Variants in CDH3 observed in about 807,000 individuals in gnomAD.
CDH3 encodes cadherin-3.
In CDH3, 54 loss-of-function variants were observed where a neutral mutation model predicts 82.0. The ratio of observed to expected loss-of-function variants is 0.66; its 90% CI spans 0.53 to 0.83. The LOEUF is 0.83. Ranked by LOEUF, CDH3 falls within the 40% of genes least tolerant of loss-of-function variation. The pLI is 0.00. For missense variants in CDH3, 1,054 were observed against 1,084.6 expected, an observed-to-expected ratio of 0.97 and a Z score of 0.40; for synonymous variants, 446 against 437.9, an observed-to-expected ratio of 1.02 and a Z score of -0.23.
chr16:68,651,121 A>G (rs1960230037), intron 2 of CDH3: 23 of 445,882 alleles, frequency 5.2e-5, no homozygotes, highest in South Asian at 4.1e-4. Context: ...CCTGTTGGCC[A>G]CTGGGCCTTG....
Position 68,695,840 on chromosome 16 carries a change from G to C in CDH3, c.2197G>C (p.Asp733His). 6.2e-7 allele frequency: 1 copy of C among 1,614,104 alleles called. No homozygotes were observed. The highest frequency in any genetic ancestry group is 8.5e-7 in the Non-Finnish European group (1 of 1,179,998). The change falls in exon 15 of 16, where the codon GAC becomes CAC. Residue 733 changes from aspartate to histidine, a missense_variant. Coordinates refer to ENST00000264012, the MANE Select transcript of CDH3 (RefSeq NM_001793.6). ...EARPEVVLRN[D>H]VAPTIIPTPM... ...CAGGCCGGAGGTGGTTCTCCGCAAT[G>C]ACGTGGCACCAACCATCATCCCGAC...
At chr16:68,647,030 G>C (rs1230245728) in intron 2 of CDH3, among the ~76,000 whole-genome samples, 1 of 151,996 alleles carries the variant, frequency 6.6e-6, no homozygotes, top group Non-Finnish European at 1.5e-5. Flanking sequence ...TAACACCCAG[G>C]CTAGGCTAGG....
chr16:68,697,779 C>A (rs949159032), intron 15 of CDH3, among the ~76,000 whole-genome samples: 3 of 152,116 alleles, frequency 2.0e-5, no homozygotes, highest in Non-Finnish European at 4.4e-5. Context: ...TTCATCTGTT[C>A]CTTTAAAACT....
chr16:68,646,593 G>A (rs1204521835), intron 2 of CDH3, among the ~76,000 whole-genome samples: 1 of 152,066 alleles, frequency 6.6e-6, no homozygotes, highest in African/African-American at 2.4e-5. Context: ...AGACCCAGGC[G>A]GTTGGTTGCT....
intron 15 of CDH3, 64 bp downstream of exon 15, chr16:68,695,987 G>T: frequency 3.2e-6 from 5 of 1,560,876 alleles, no homozygotes; most frequent in Non-Finnish European, 4.4e-6. Context: ...CCACACAGGA[G>T]AACAAGCATG....
At chr16:68,679,694 C>CAAA (rs66540234) in intron 6 of CDH3, 105 bp from the exon 7 acceptor site, 14,541 of 352,726 alleles carry the variant, frequency 0.041, 297 homozygotes, top group African/African-American at 0.091. Flanking sequence ...GACTTCATCT[C>CAAA]AAAAAAAAAA....
chr16:68,692,313 A>C (rs1209868251), intron 13 of CDH3, among the ~76,000 whole-genome samples: 5 of 152,152 alleles, frequency 3.3e-5, no homozygotes, highest in Non-Finnish European at 5.9e-5. Context: ...CTGGGATTAC[A>C]GGTGTGAGCC....
intron 1 of CDH3, among the ~76,000 whole-genome samples, chr16:68,721,070 A>G (rs1962157901): frequency 6.6e-6 from 1 of 152,058 alleles, no homozygotes; most frequent in Non-Finnish European, 1.5e-5. Flanking sequence ...TGTCAAGGTC[A>G]ACATAGCCCA....
downstream of CDH3, among the ~76,000 whole-genome samples, chr16:68,728,725 A>G (rs952682154): frequency 2.0e-5 from 3 of 152,246 alleles, no homozygotes; most frequent in African/African-American, 4.8e-5. Context: ...GGGAACAGCC[A>G]TCATCCACAG....
chr16:68,651,276 C>T, intron 2 of CDH3: 1 of 544,338 alleles, frequency 1.8e-6, no homozygotes, highest in African/African-American at 1.9e-5. Flanking sequence ...AGATGTGCAG[C>T]TGGGTCCAGG....
chr16:68,692,415 G>A (rs958056587), intron 13 of CDH3, among the ~76,000 whole-genome samples: 12 of 152,312 alleles, frequency 7.9e-5, no homozygotes, highest in Admixed American at 4.6e-4. Context: ...ACCAGGCTTT[G>A]GGGATACAGT....
intron 2 of CDH3, among the ~76,000 whole-genome samples, chr16:68,661,749 C>T (rs1041472468): frequency 4.6e-5 from 7 of 152,182 alleles, no homozygotes; most frequent in African/African-American, 7.2e-5. Context: ...AATTCAATGG[C>T]GCGATCTCAG....
intron 2 of CDH3, among the ~76,000 whole-genome samples, chr16:68,652,104 A>C (rs1358554772): frequency 6.6e-6 from 1 of 152,140 alleles, no homozygotes. Flanking sequence ...AGTCAGTGAG[A>C]GGTCACTGGT....
Position 68,645,648 on chromosome 16 carries a change from C to T in CDH3, c.58C>T (p.Gln20Ter). 6.5e-7 allele frequency: 1 copy of T among 1,542,482 alleles called. No individual in the cohort carries two copies. ...SLLLLQVCWLQCAASEPCRAV... is the reference protein window; with the variant it reads ...SLLLLQVCWL The stretch of plus-strand genomic sequence containing the variant: ...CCCTCGGGCGCAGGTTTGCTGGCTG[C>T]AGTGCGCGGCCTCCGAGCCGTGCCG... Residue 20 changes from glutamine to a stop codon, truncating the protein, a stop_gained, in exon 2 of 16, where the codon CAG becomes TAG. Coordinates refer to ENST00000264012, the MANE Select transcript of CDH3 (RefSeq NM_001793.6). LOFTEE classifies it high-confidence loss of function.
Position 68,645,328 on chromosome 16 carries a change from C to T in CDH3, c.-52C>T, listed in dbSNP as rs1474685788. Reference sequence around the variant, plus strand: ...GGTGCTCAAAGGGGCAAGAGCTGAGCGGAACACCGGCCCGCCGTCGCGGCA... The same window carrying T: ...GGTGCTCAAAGGGGCAAGAGCTGAGTGGAACACCGGCCCGCCGTCGCGGCA... On this transcript the variant is annotated 5_prime_UTR_variant, in exon 1 of 16. Transcript: ENST00000264012. 9.4e-6 allele frequency: 15 copies of T among 1,588,288 alleles called. No homozygotes were observed. Among genetic ancestry groups the T allele is most frequent in the Admixed American group, 1.7e-5 (1 of 59,484 alleles).
intron 2 of CDH3, among the ~76,000 whole-genome samples, chr16:68,659,582 A>G (rs1567439632): frequency 6.7e-6 from 1 of 150,180 alleles, no homozygotes; most frequent in Non-Finnish European, 1.5e-5. Flanking sequence ...GCTGTCTCAA[A>G]AAAAAAAAAA....
In CDH3 at chr16:68,678,788, T is replaced by C. The variant is rs115879924; in HGVS notation, c.573T>C (p.Asn191=). The change falls in exon 6 of 16, where the codon AAT becomes AAC. Residue 191 remains asparagine, a synonymous_variant. Transcript: ENST00000264012. The part of the protein sequence containing the change: ...YELFGHAVSE[N]GASVEDPMNI... ...TCTTTGGCCACGCTGTGTCAGAGAA[T>C]GGTGCCTCAGTGGAGGACCCCATGA... 1.5e-5 allele frequency: 24 copies of C among 1,614,166 alleles called. No homozygotes were observed. The African/African-American group carries it at 2.7e-4, about 18-fold the overall frequency.
intron 13 of CDH3, among the ~76,000 whole-genome samples, chr16:68,694,791 C>T (rs1026200164): frequency 1.3e-5 from 2 of 152,196 alleles, no homozygotes; most frequent in South Asian, 2.1e-4. Context: ...GTTCCCATCC[C>T]GACATCCCGA....
intron 11 of CDH3, among the ~76,000 whole-genome samples, chr16:68,686,214 AG>A (rs1961406644): frequency 6.6e-6 from 1 of 152,122 alleles, no homozygotes; most frequent in East Asian, 1.9e-4. Flanking sequence ...TGGCCTGCAC[AG>A]GGCCCTTGGG....
Sources: allele counts gnomAD v4.1 joint callset (sites outside exome capture counted in the v4.1 genomes callset), GRCh38; gene constraint gnomAD v4.1.1; transcripts MANE v1.5; gene names NCBI Gene and HGNC (gene_info 2026-07-23, HGNC 2026-07-21).